The following GRIPAP1 variants were observed in gnomAD, a reference collection of about 807,000 sequenced individuals.
GRIPAP1 encodes the protein GRIP1 associated protein 1.
A neutral mutation model predicts 84.1 loss-of-function variants in GRIPAP1; 14 were observed. The observed-to-expected ratio is 0.17, with a 90% CI of 0.11 to 0.26. The LOEUF (loss-of-function observed/expected upper bound fraction) is 0.26. Ranked by LOEUF, GRIPAP1 falls within the 10% of genes least tolerant of loss-of-function variation. The pLI is 1.00. For synonymous variants in GRIPAP1, 261 were observed against 256.8 expected (o/e 1.02, Z -0.15); for missense variants, 518 against 674.2 (o/e 0.77, Z 2.57).
At position 48,987,861 on chromosome X, in the gene GRIPAP1, G is replaced by T; in HGVS notation, c.965C>A (p.Ala322Glu). 1 of 1,199,524 alleles carries T rather than the reference G, an allele frequency of 8.3e-7. No individual in the cohort carries two copies. Among genetic ancestry groups the T allele is most frequent in the Non-Finnish European group, 1.1e-6 (1 of 886,648 alleles). ...ALQDQVSIQS[A>E]DAQEQVEGLL... ...CCCTTCCACTTGTTCCTGTGCATCT[G>T]CACTCTGGATGGATACCTGGCCCCA... The change falls in exon 13 of 26, where the codon GCA becomes GAA. Residue 322 changes from alanine to glutamate, a missense_variant. Ala to Glu is a moderately radical substitution (Grantham distance 107). Transcript: ENST00000376423.
At position 48,976,352 on chromosome X, in the gene GRIPAP1, G is replaced by T. The variant is rs1557060506; in HGVS notation, c.2073C>A (p.Ser691Arg). 8.3e-7 allele frequency: 1 copy of T among 1,200,332 alleles called. No homozygotes were observed. The highest frequency in any genetic ancestry group is 1.1e-6 in the Non-Finnish European group (1 of 890,129). The change falls in exon 23 of 26, where the codon AGC becomes AGA. Residue 691 changes from serine (S) to arginine (R), a missense_variant. By Grantham distance (110) the Ser-to-Arg change is moderately radical. Coordinates refer to ENST00000376423, the MANE Select transcript of GRIPAP1 (RefSeq NM_020137.5). Reference protein sequence around the residue: ...SSAVPARSLSSSPQAQPPRPA... With the variant: ...SSAVPARSLSRSPQAQPPRPA... ...GCCGAGGGGGCTGGGCTTGAGGGCT[G>T]CTGGATAAGGACTGCAGGAAAGAGA... is the stretch of plus-strand genomic sequence containing the variant.
At chrX:48,983,484 GA>G in intron 15 of GRIPAP1, 44 bp from the exon 16 acceptor site, 4 of 1,071,615 alleles carry the variant, frequency 3.7e-6, no homozygotes, top group Middle Eastern at 3.0e-4. Flanking sequence ...CCACAACATC[GA>G]AAAAAGGCCT....
chrX:48,987,633 G>A, intron 13 of GRIPAP1, 152 bp downstream of exon 13: 2 of 408,490 alleles, frequency 4.9e-6, no homozygotes, highest in Non-Finnish European at 8.5e-6. Flanking sequence ...TGGCCAGAGA[G>A]AAGAGGGCTG....
At chrX:48,977,486 G>C (rs1169015439) in intron 22 of GRIPAP1, 1 of 108,055 alleles carries the variant, frequency 9.3e-6, no homozygotes, top group Non-Finnish European at 1.9e-5. Context: ...CACCACGCCC[G>C]GCTAATTTTT....
chrX:48,991,006 G>T lies in GRIPAP1; in HGVS notation c.562C>A (p.Pro188Thr). ...GLAPTVLAPM[P>T]LAEVELKWEM... Reference sequence around the variant, plus strand: ...CATTTCAGCTCCACCTCTGCCAACGGCATGGGGGCCAGGACGGTGGGGGCC... The same window carrying T: ...CATTTCAGCTCCACCTCTGCCAACGTCATGGGGGCCAGGACGGTGGGGGCC... Residue 188 changes from proline (P) to threonine (T), a missense_variant, in exon 7 of 26, where the codon CCG becomes ACG. By Grantham distance (38) the Pro-to-Thr change is conservative. This residue lies in a region of GRIPAP1 where 372 missense variants were observed against 458.1 expected (regional missense o/e 0.81). Transcript: ENST00000376423. 1 of 1,186,039 alleles carries T rather than the reference G, an allele frequency of 8.4e-7. No individual in the cohort carries two copies. Among genetic ancestry groups the T allele is most frequent in the Non-Finnish European group, 1.1e-6 (1 of 880,328 alleles).
At chrX:48,979,523 T>G (rs1268705456) in intron 21 of GRIPAP1, among the ~76,000 whole-genome samples, 1 of 102,931 alleles carries the variant, frequency 9.7e-6, no homozygotes, top group Non-Finnish European at 2.0e-5. Flanking sequence ...CAGGCTCTCG[T>G]ACCCACGCAC....
chrX:49,002,255 C>A lies in GRIPAP1; in HGVS notation c.-26G>T. 9.5e-7 allele frequency: 1 copy of A among 1,050,063 alleles called. No homozygotes were observed. Among genetic ancestry groups the A allele is most frequent in the Non-Finnish European group, 1.3e-6 (1 of 760,615 alleles). The allele number at this position is 1,050,063 out of a possible 1,213,427, so 86.5% of individuals were successfully genotyped here. ...GTTCCTCCCCCCACCCCCCCGCCAG[C>A]TTTCTGCGCAGACGCAGCTCGCGCC... On this transcript the variant is annotated 5_prime_UTR_variant, in exon 1 of 26. Coordinates refer to ENST00000376423, the MANE Select transcript of GRIPAP1 (RefSeq NM_020137.5).
intron 17 of GRIPAP1, among the ~76,000 whole-genome samples, chrX:48,982,412 C>T (rs911383346): frequency 1.8e-5 from 2 of 112,622 alleles, no homozygotes; most frequent in African/African-American, 3.2e-5. Context: ...AGTCTCACTC[C>T]GTCACCCAGG....
chrX:48,980,397 G>A (rs1033855226), intron 21 of GRIPAP1, among the ~76,000 whole-genome samples: 3 of 110,477 alleles, frequency 2.7e-5, no homozygotes, highest in Non-Finnish European at 5.7e-5. Context: ...GACTCAGGGA[G>A]TTTTATATCA....
intron 8 of GRIPAP1, 62 bp from the exon 9 acceptor site, chrX:48,990,065 T>A: frequency 1.1e-6 from 1 of 900,902 alleles, no homozygotes; most frequent in Non-Finnish European, 1.6e-6. Context: ...AACCTAAAAT[T>A]AATAAATATA....
Position 48,978,377 on chromosome X carries a change from G to A in GRIPAP1, c.1989C>T (p.Asp663=), listed in dbSNP as rs782092668. The A allele has an allele frequency of 5.0e-6, 6 of 1,208,242 alleles. No homozygotes were observed. In the South Asian group the frequency reaches 1.1e-4, roughly 21 times the overall value. Reference sequence around the variant, plus strand: ...AGCTGAAGGAGGAGATGCTACTGCTGTCCCCTGTCTGGGTCCGGCTTGGTG... The same window carrying A: ...AGCTGAAGGAGGAGATGCTACTGCTATCCCCTGTCTGGGTCCGGCTTGGTG... ...MNSPSRTQTG[D]SSSISSFSYR... The change falls in exon 22 of 26, where the codon GAC becomes GAT. Residue 663 remains aspartate, a synonymous_variant. Transcript: ENST00000376423.
rs782185922 is a variant in GRIPAP1, at chrX:48,983,757, A to G, written c.1272+18T>C. 1.0e-6 allele frequency: 1 copy of G among 984,415 alleles called. No individual in the cohort carries two copies. Among genetic ancestry groups the G allele is most frequent in the Admixed American group, 2.2e-5 (1 of 45,081 alleles). The allele number at this position is 984,415 out of a possible 1,213,427, so 81.1% of individuals were successfully genotyped here. ...TCCTACCCCCCATCCTCTCCCTTCA[A>G]CCCTCATGTTCCCCTACCTTCCGAG... On this transcript the variant is annotated intron_variant, in intron 15 of 25. Transcript: ENST00000376423.
At position 48,978,297 on chromosome X, in the gene GRIPAP1, C is replaced by T. The variant is rs201647792; in HGVS notation, c.2061+8G>A. On this transcript the variant is annotated splice_region_variant and intron_variant, in intron 22 of 25. Coordinates refer to ENST00000376423, the MANE Select transcript of GRIPAP1 (RefSeq NM_020137.5). ...AGCTGGAGCTGTAGGTTCTTCCTTT[C>T]CCCTTACCCTGGCTGGAACAGCCGA... The T allele has an allele frequency of 4.5e-5, 54 of 1,207,245 alleles. No homozygotes were observed. In the Admixed American group the frequency reaches 5.3e-4, roughly 12 times the overall value.
chrX:48,986,637 C>T (rs1045024266), intron 13 of GRIPAP1, among the ~76,000 whole-genome samples: 8 of 110,276 alleles, frequency 7.3e-5, no homozygotes, highest in Admixed American at 5.8e-4. Flanking sequence ...CCAGGTGATC[C>T]GCCCGTCTCA....
intron 13 of GRIPAP1, among the ~76,000 whole-genome samples, 176 bp downstream of exon 13, chrX:48,987,609 A>G (rs2064497779): frequency 9.4e-6 from 1 of 106,916 alleles, no homozygotes; most frequent in South Asian, 4.2e-4. Context: ...AAAAAAAAAA[A>G]AAGTAGGGAT....
intron 22 of GRIPAP1, chrX:48,977,909 A>G (rs1557060912): frequency 7.8e-6 from 1 of 127,475 alleles, no homozygotes; most frequent in Non-Finnish European, 1.6e-5. Flanking sequence ...AGCACATACT[A>G]TTTGTGGAAC....
chrX:48,998,034 G>A, intron 4 of GRIPAP1, 120 bp downstream of exon 4: 1 of 572,741 alleles, frequency 1.7e-6, no homozygotes. Flanking sequence ...ATGGCAGTGA[G>A]GTAGTAGCAG....
At chrX:48,977,830 C>T (rs1557060899) in intron 22 of GRIPAP1, 1 of 111,847 alleles carries the variant, frequency 8.9e-6, no homozygotes, top group Non-Finnish European at 1.9e-5. Context: ...GCCACCACAC[C>T]CGGCCAGACA....
intron 5 of GRIPAP1, among the ~76,000 whole-genome samples, chrX:48,994,403 T>C (rs2064536345): frequency 9.1e-6 from 1 of 110,081 alleles, no homozygotes; most frequent in African/African-American, 3.3e-5. Flanking sequence ...TTTGTATTCT[T>C]ATTAGAGACG....
Sources: allele counts gnomAD v4.1 joint callset (sites outside exome capture counted in the v4.1 genomes callset), GRCh38; gene constraint gnomAD v4.1.1; regional missense constraint gnomAD v4.1.1; transcripts MANE v1.5; gene names NCBI Gene and HGNC (gene_info 2026-07-23, HGNC 2026-07-21).